STK39: variants seen among roughly 807,000 people sequenced by gnomAD.
The protein encoded by STK39 is serine/threonine kinase 39.
A neutral mutation model predicts 77.8 loss-of-function variants in STK39; 20 were observed. That is an observed-to-expected ratio of 0.26 (90% CI 0.18 to 0.37). The LOEUF (loss-of-function observed/expected upper bound fraction) is 0.37. Among genes scored for constraint, STK39 ranks in the 10% least tolerant of loss-of-function variants. STK39 has a pLI of 1.00. For synonymous variants in STK39, 246 were observed against 234.1 expected, an observed-to-expected ratio of 1.05 and a Z score of -0.47; for missense variants, 479 against 656.5, an observed-to-expected ratio of 0.73 and a Z score of 2.95.
At chr2:168,171,658 T>A (rs955111677) in intron 2 of STK39, among the ~76,000 whole-genome samples, 1 of 151,954 alleles carries the variant, frequency 6.6e-6, no homozygotes, top group African/African-American at 2.4e-5. Flanking sequence ...AGCTAATTTT[T>A]AAAAATTTTT....
intron 7 of STK39, among the ~76,000 whole-genome samples, chr2:168,138,895 C>T (rs1574495524): frequency 6.6e-6 from 1 of 152,250 alleles, no homozygotes; most frequent in Admixed American, 6.5e-5. Flanking sequence ...AAAAATTCCA[C>T]TCTTTCATAC....
chr2:168,117,742 A>T (rs1687295021), intron 10 of STK39, among the ~76,000 whole-genome samples: 1 of 152,130 alleles, frequency 6.6e-6, no homozygotes, highest in Admixed American at 6.6e-5. Flanking sequence ...TTTGGTAAAG[A>T]TGTGTTGAAG....
In STK39 at chr2:168,074,894, T is replaced by C. The variant is rs1686037066; in HGVS notation, c.1242+88A>G. 16 of 1,464,106 alleles carry C rather than the reference T, an allele frequency of 1.1e-5. 1 individual carries two copies. In the South Asian group the frequency reaches 1.8e-4, roughly 16 times the overall value. 90.7% of individuals were successfully genotyped at this position (1,464,106 alleles called of 1,614,324 possible). A position where few individuals can be genotyped will look rare whatever the true frequency, so the allele number is the denominator to read the frequency against. ...CTTTTTCTTTCTACTCCATGAGATT[T>C]TGAAGCATCTCCCCTAAATGGATCA... On this transcript the variant is annotated intron_variant, in intron 12 of 17. Transcript: ENST00000355999.
intron 10 of STK39, among the ~76,000 whole-genome samples, chr2:168,083,987 A>T (rs1686304906): frequency 6.6e-6 from 1 of 151,930 alleles, no homozygotes; most frequent in Non-Finnish European, 1.5e-5. Context: ...GATAATTTGG[A>T]TTTTTATGTG....
chr2:168,187,282 T>G (rs996501609), intron 1 of STK39, among the ~76,000 whole-genome samples: 1 of 151,586 alleles, frequency 6.6e-6, no homozygotes, highest in African/African-American at 2.4e-5. Context: ...ACCCGGAAGG[T>G]AGAGGCTGCA....
At position 168,038,089 on chromosome 2, in the gene STK39, G is replaced by C. The variant is rs146487881; in HGVS notation, c.1377-20994C>G. ...GTTTAGTTGAAAATCTGAAACATTTGGAGAAATGTTACCTATAGTTAGATA... is the reference window on the plus strand; with the variant it reads ...GTTTAGTTGAAAATCTGAAACATTTCGAGAAATGTTACCTATAGTTAGATA... On this transcript the variant is annotated intron_variant, in intron 14 of 17. Transcript: ENST00000355999. Among the ~76,000 whole-genome samples, 1,090 of 152,204 alleles carry C rather than the reference G, an allele frequency of 7.2e-3. 8 individuals carry two copies. The highest frequency in any genetic ancestry group is 0.025 in the African/African-American group (1,037 of 41,534).
chr2:168,194,745 C>T (rs1455097145), intron 1 of STK39, among the ~76,000 whole-genome samples: 1 of 152,194 alleles, frequency 6.6e-6, no homozygotes, highest in Non-Finnish European at 1.5e-5. Context: ...CTGATTGCAT[C>T]TGCTGTTATT....
intron 8 of STK39, among the ~76,000 whole-genome samples, chr2:168,136,473 A>G (rs1385336425): frequency 6.6e-6 from 1 of 152,180 alleles, no homozygotes; most frequent in East Asian, 1.9e-4. Flanking sequence ...AAAGAAATAC[A>G]CTATTATATC....
intron 15 of STK39, among the ~76,000 whole-genome samples, chr2:168,013,793 G>GGTGTGTGTGTGTGT (rs4000936): frequency 2.7e-4 from 40 of 147,762 alleles, no homozygotes; most frequent in African/African-American, 9.7e-4. Flanking sequence ...TAAGTGGGCT[G>GGTGTGTGTGTGTGT]GTGTGTGTGT....
At chr2:168,044,782 C>T (rs1448335471) in intron 14 of STK39, among the ~76,000 whole-genome samples, 1 of 152,094 alleles carries the variant, frequency 6.6e-6, no homozygotes, top group African/African-American at 2.4e-5. Flanking sequence ...GCATGCTGGG[C>T]AAGGGTCACA....
At chr2:168,203,205 C>T (rs1395236239) in intron 1 of STK39, among the ~76,000 whole-genome samples, 1 of 152,108 alleles carries the variant, frequency 6.6e-6, no homozygotes, top group Non-Finnish European at 1.5e-5. Flanking sequence ...AAATCTCCCT[C>T]AGCTGAGGAC....
At chr2:168,064,709 G>C (rs1421499355) in intron 13 of STK39, among the ~76,000 whole-genome samples, 2 of 152,198 alleles carry the variant, frequency 1.3e-5, no homozygotes, top group Non-Finnish European at 2.9e-5. Context: ...CAACCACTTT[G>C]AGAACAAAAG....
At chr2:168,193,527 A>G (rs547405587) in intron 1 of STK39, among the ~76,000 whole-genome samples, 2 of 152,348 alleles carry the variant, frequency 1.3e-5, no homozygotes, top group Non-Finnish European at 2.9e-5. Flanking sequence ...ACACCTGCTA[A>G]GCCCCGGTGG....
chr2:168,051,061 A>G (rs16854615), intron 14 of STK39, among the ~76,000 whole-genome samples: 4,772 of 152,298 alleles, frequency 0.031, 266 homozygotes, highest in African/African-American at 0.11. Context: ...TCAGCATCTC[A>G]AGGAAGAAAT....
chr2:168,006,529 TCTCA>T (rs1684138027), intron 16 of STK39, among the ~76,000 whole-genome samples: 1 of 152,166 alleles, frequency 6.6e-6, no homozygotes, highest in Non-Finnish European at 1.5e-5. Flanking sequence ...TTCTCTGCTG[TCTCA>T]CTATCACTCA....
intron 15 of STK39, among the ~76,000 whole-genome samples, chr2:168,015,229 A>G (rs1403484931): frequency 6.6e-6 from 1 of 152,254 alleles, no homozygotes; most frequent in Non-Finnish European, 1.5e-5. Context: ...GGGGCACACT[A>G]AACACAAAGG....
At chr2:168,234,968 C>T (rs1457164990) in intron 1 of STK39, among the ~76,000 whole-genome samples, 1 of 145,600 alleles carries the variant, frequency 6.9e-6, no homozygotes, top group Non-Finnish European at 1.5e-5. Context: ...GCCTGGGCAA[C>T]ATAGTAAGAT....
intron 17 of STK39, among the ~76,000 whole-genome samples, chr2:167,956,166 T>A (rs1414336677): frequency 6.6e-6 from 1 of 152,240 alleles, no homozygotes; most frequent in South Asian, 2.1e-4. Context: ...AGAATTTTGT[T>A]TATATTTTCA....
chr2:168,198,466 G>T (rs774416666), intron 1 of STK39, among the ~76,000 whole-genome samples: 6 of 152,142 alleles, frequency 3.9e-5, no homozygotes, highest in Non-Finnish European at 8.8e-5. Context: ...CAAGTGTCTT[G>T]AAAAGTTGCT....
Sources: allele counts gnomAD v4.1 joint callset (sites outside exome capture counted in the v4.1 genomes callset), GRCh38; gene constraint gnomAD v4.1.1; transcripts MANE v1.5; gene names NCBI Gene and HGNC (gene_info 2026-07-23, HGNC 2026-07-21).